ZNF83: variants seen among roughly 807,000 people sequenced by gnomAD.
ZNF83 encodes zinc finger protein 83.
For synonymous variants in ZNF83, 209 were observed against 213.0 expected, an observed-to-expected ratio of 0.98 and a Z score of 0.17; for missense variants, 552 against 629.9, an observed-to-expected ratio of 0.88 and a Z score of 1.32.
intron 1 of ZNF83, among the ~76,000 whole-genome samples, chr19:52,680,665 TG>T (rs1431373455): frequency 7.7e-6 from 1 of 130,058 alleles, no homozygotes; most frequent in Non-Finnish European, 1.5e-5. Context: ...CAGGCTGGAG[TG>T]CAGTGGCGCG....
chr19:52,675,320 G>C (rs1327011845), intron 1 of ZNF83, among the ~76,000 whole-genome samples: 2 of 152,170 alleles, frequency 1.3e-5, no homozygotes, highest in African/African-American at 4.8e-5. Flanking sequence ...AGGATCCCAC[G>C]ACATGTACTT....
At chr19:52,673,607 G>A (rs2061757187) in intron 1 of ZNF83, among the ~76,000 whole-genome samples, 1 of 152,066 alleles carries the variant, frequency 6.6e-6, no homozygotes, top group South Asian at 2.1e-4. Context: ...GTTTTCCCAA[G>A]TAATCAAAAA....
At chr19:52,647,764 A>T (rs992831601) in intron 3 of ZNF83, among the ~76,000 whole-genome samples, 1 of 149,604 alleles carries the variant, frequency 6.7e-6, no homozygotes, top group African/African-American at 2.5e-5. Flanking sequence ...CTTCTGCTTC[A>T]TCCTTGGAAC....
intron 2 of ZNF83, among the ~76,000 whole-genome samples, chr19:52,627,557 G>T (rs935989704): frequency 2.6e-5 from 4 of 152,082 alleles, no homozygotes; most frequent in African/African-American, 9.7e-5. Context: ...AGCTACTGAG[G>T]CAGGAGAATC....
upstream of ZNF83, among the ~76,000 whole-genome samples, chr19:52,642,246 A>G (rs1245212043): frequency 2.5e-5 from 3 of 121,592 alleles, no homozygotes; most frequent in Non-Finnish European, 5.1e-5. Context: ...CCAGTTTGTG[A>G]GGGGAGTATT....
At chr19:52,634,766 G>C (rs1259987292) in intron 2 of ZNF83, among the ~76,000 whole-genome samples, 2 of 152,094 alleles carry the variant, frequency 1.3e-5, no homozygotes, top group Non-Finnish European at 2.9e-5. Flanking sequence ...TGTGGCCCCT[G>C]AACAATCCCT....
intron 1 of ZNF83, among the ~76,000 whole-genome samples, chr19:52,638,000 G>A (rs577277536): frequency 1.3e-5 from 2 of 152,332 alleles, no homozygotes; most frequent in Admixed American, 1.3e-4. Flanking sequence ...CGCCCAGGGC[G>A]GGAATCCAGC....
chr19:52,614,110 T>C (rs2060218455), exon 3 of ZNF83: 1 of 1,613,954 alleles, frequency 6.2e-7, no homozygotes, highest in Non-Finnish European at 8.5e-7. Context: ...GCCACATTCA[T>C]TACATTTATA....
At chr19:52,613,569 T>A in exon 3 of ZNF83, 3 of 1,612,830 alleles carry the variant, frequency 1.9e-6, no homozygotes, top group Non-Finnish European at 2.5e-6. Context: ...AGTGATTTAC[T>A]AGGGATGACT....
At chr19:52,628,841 A>G (rs140343645) in intron 2 of ZNF83, among the ~76,000 whole-genome samples, 2,196 of 145,336 alleles carry the variant, frequency 0.015, 56 homozygotes, top group African/African-American at 0.052. Context: ...CCTTATTTCC[A>G]TGCCCCAACC....
At chr19:52,651,762 T>A (rs1339425320) in intron 3 of ZNF83, 2 of 154,856 alleles carry the variant, frequency 1.3e-5, no homozygotes, top group Non-Finnish European at 2.8e-5. Context: ...GGCAAACTGG[T>A]TCAGGTCTGT....
At chr19:52,613,115 GTT>G (rs1600117177) in exon 3 of ZNF83, 2 of 1,614,082 alleles carry the variant, frequency 1.2e-6, no homozygotes, top group Non-Finnish European at 1.7e-6. Flanking sequence ...CATTTGAAAT[GTT>G]TCTCTCCAGT....
intron 2 of ZNF83, among the ~76,000 whole-genome samples, chr19:52,628,225 C>T (rs1037353982): frequency 1.3e-5 from 2 of 152,152 alleles, no homozygotes; most frequent in Non-Finnish European, 2.9e-5. Context: ...TGGGGGACCT[C>T]CCTTGGGAGA....
intron 3 of ZNF83, chr19:52,653,162 T>C (rs2061465198): frequency 6.7e-7 from 1 of 1,488,556 alleles, no homozygotes; most frequent in Non-Finnish European, 9.3e-7. Context: ...TTTTCTCCGG[T>C]ATGAAGTCTA....
chr19:52,630,505 A>G (rs1156608693), intron 2 of ZNF83, among the ~76,000 whole-genome samples: 1 of 152,042 alleles, frequency 6.6e-6, no homozygotes, highest in Non-Finnish European at 1.5e-5. Context: ...TTTTTTAGTT[A>G]TCCCCACCTG....
At chr19:52,667,224 G>GAA (rs34235519) in intron 1 of ZNF83, among the ~76,000 whole-genome samples, 4 of 86,170 alleles carry the variant, frequency 4.6e-5, no homozygotes, top group Non-Finnish European at 7.8e-5. Flanking sequence ...TATCATCTTT[G>GAA]AAAAAAAAAA....
At chr19:52,613,853 ATT>A (rs753603828) in exon 3 of ZNF83, 1 of 1,614,160 alleles carries the variant, frequency 6.2e-7, no homozygotes. Context: ...ACCTTGCCAC[ATT>A]TGTTACATTC....
intron 2 of ZNF83, among the ~76,000 whole-genome samples, chr19:52,659,256 G>C (rs2061546384): frequency 6.6e-6 from 1 of 151,810 alleles, no homozygotes; most frequent in Non-Finnish European, 1.5e-5. Context: ...TGCGATGGAA[G>C]CATGAGGAAC....
upstream of ZNF83, among the ~76,000 whole-genome samples, chr19:52,642,795 A>G (rs2061325287): frequency 6.6e-6 from 1 of 152,112 alleles, no homozygotes. Context: ...ATGAGGTGGG[A>G]GGATTACTTG....
Sources: allele counts gnomAD v4.1 joint callset (sites outside exome capture counted in the v4.1 genomes callset), GRCh38; gene constraint gnomAD v4.1.1; transcripts MANE v1.5; gene names NCBI Gene and HGNC (gene_info 2026-07-23, HGNC 2026-07-21).